The following PKHD1L1 variants were observed in gnomAD, a reference collection of about 807,000 sequenced individuals.
PKHD1L1 encodes PKHD1 like 1.
A neutral mutation model predicts 462.9 loss-of-function variants in PKHD1L1; 434 were observed. That is an observed-to-expected ratio of 0.94 (90% CI 0.87 to 1.02). The LOEUF is 1.02. Among genes scored for constraint, PKHD1L1 ranks in the 50% least tolerant of loss-of-function variants. PKHD1L1 has a pLI of 0.00. For missense variants in PKHD1L1, 5,202 were observed against 5,096.1 expected (o/e 1.02, Z -0.63); for synonymous variants, 1,781 against 1,750.0 (o/e 1.02, Z -0.44).
At chr8:109,486,613 G>A in intron 58 of PKHD1L1, 35 bp from the exon 59 acceptor site, 3 of 1,592,490 alleles carry the variant, frequency 1.9e-6, no homozygotes, top group Middle Eastern at 3.4e-4. Flanking sequence ...ATACTTCTCA[G>A]CATTGGCAAT....
rs990561519 is a variant in PKHD1L1 at position 109,442,979 on chromosome 8, T to G, written c.4427T>G (p.Ile1476Ser). Residue 1476 changes from isoleucine to serine, a missense_variant, in exon 36 of 78, where the codon ATC (isoleucine) becomes AGC (serine). Coordinates refer to ENST00000378402, the MANE Select transcript of PKHD1L1 (RefSeq NM_177531.6). ...TCTTACCAATTTACTTCTCCTGGAATCCATTATTATAGCAGCGGGTATGTT... is the reference window on the plus strand; with the variant it reads ...TCTTACCAATTTACTTCTCCTGGAAGCCATTATTATAGCAGCGGGTATGTT... ...SFSYQFTSPG[I>S]HYYSSGYVDE... The G allele has an allele frequency of 1.2e-6, 2 of 1,613,418 alleles. No homozygotes were observed. The highest frequency in any genetic ancestry group is 1.7e-6 in the Non-Finnish European group (2 of 1,179,534).
rs774719597 is a variant in PKHD1L1, at chr8:109,429,388, A to G, written c.3049A>G (p.Arg1017Gly). 1 of 1,576,932 alleles carries G rather than the reference A, an allele frequency of 6.3e-7. No individual in the cohort carries two copies. The highest frequency in any genetic ancestry group is 8.7e-7 in the Non-Finnish European group (1 of 1,152,238). The stretch of plus-strand genomic sequence containing the variant: ...AGAAAAGGCTAATATGACAGTTACA[A>G]GGATAAAGGAAGGTGGCTTATTCAG... ...IGEKANMTVT[R>G]IKEGGLFRQH... The change falls in exon 26 of 78, where the codon AGG becomes GGG. Residue 1017 changes from arginine (R) to glycine (G), a missense_variant. Physicochemically the swap from Arg to Gly is moderately radical, Grantham distance 125. This residue lies in a region of PKHD1L1 where 4,497 missense variants were observed against 4,336.8 expected (regional missense o/e 1.04). Transcript: ENST00000378402.
chr8:109,402,495 G>A (rs117039562), intron 14 of PKHD1L1, among the ~76,000 whole-genome samples: 90 of 152,184 alleles, frequency 5.9e-4, no homozygotes, highest in Non-Finnish European at 1.1e-3. Flanking sequence ...GACTAGCCCC[G>A]GTTTGTCACA....
At chr8:109,411,414 T>C (rs1185823778) in intron 19 of PKHD1L1, among the ~76,000 whole-genome samples, 1 of 152,238 alleles carries the variant, frequency 6.6e-6, no homozygotes, top group Admixed American at 6.5e-5. Flanking sequence ...ATACTTTTCA[T>C]GAGCAGATTA....
chr8:109,518,737 G>A (rs1783170), intron 73 of PKHD1L1, among the ~76,000 whole-genome samples: 65,597 of 151,956 alleles, frequency 0.43, 14,579 homozygotes, highest in South Asian at 0.57. Context: ...TGATTAATAA[G>A]TTCAACAAAA....
rs1280779778 is a variant in PKHD1L1, at chr8:109,425,224, T to A, written c.2837T>A (p.Ile946Asn). The A allele has an allele frequency of 1.9e-6, 3 of 1,584,892 alleles. No homozygotes were observed. Among genetic ancestry groups the A allele is most frequent in the African/African-American group, 2.7e-5 (2 of 73,010 alleles). ...GSFDIQAYGHILKGLPAAVSA... is the reference protein window; with the variant it reads ...GSFDIQAYGHNLKGLPAAVSA... ...TTTGACATTCAAGCTTATGGACATA[T>A]TCTTAAAGGTATATGAAAAAAATTT... The change falls in exon 24 of 78, where the codon ATT becomes AAT. Residue 946 changes from isoleucine to asparagine, a missense_variant. Physicochemically the swap from Ile to Asn is moderately radical, Grantham distance 149. Coordinates refer to ENST00000378402, the MANE Select transcript of PKHD1L1 (RefSeq NM_177531.6).
chr8:109,470,314 T>C, intron 50 of PKHD1L1: 1 of 1,491,620 alleles, frequency 6.7e-7, no homozygotes, highest in Non-Finnish European at 9.3e-7. Flanking sequence ...GTCATCATCA[T>C]ATTTAGATAA....
chr8:109,405,781 A>G (rs1813505778), intron 16 of PKHD1L1, among the ~76,000 whole-genome samples: 1 of 152,176 alleles, frequency 6.6e-6, no homozygotes, highest in South Asian at 2.1e-4. Flanking sequence ...TGATAGGTGC[A>G]GCAAACCACC....
chr8:109,497,430 CTT>C (rs11475834), intron 65 of PKHD1L1, among the ~76,000 whole-genome samples, 158 bp downstream of exon 65: 4,074 of 113,392 alleles, frequency 0.036, 108 homozygotes, highest in African/African-American at 0.11. Context: ...AAAAACCGTT[CTT>C]TTTTTTTTTT....
At chr8:109,443,164 G>A (rs1221089415) in intron 36 of PKHD1L1, 48 bp downstream of exon 36, 1 of 1,562,102 alleles carries the variant, frequency 6.4e-7, no homozygotes, top group Admixed American at 1.7e-5. Context: ...GACCCAGGGT[G>A]TATGTGATAT....
At chr8:109,398,438 T>G in intron 11 of PKHD1L1, 21 bp from the exon 12 acceptor site, 2 of 1,426,828 alleles carry the variant, frequency 1.4e-6, no homozygotes, top group Non-Finnish European at 1.9e-6. Context: ...AGTAACGGTT[T>G]TGTATCTTGC....
chr8:109,412,131 GA>G, intron 19 of PKHD1L1, 133 bp from the exon 20 acceptor site: 1 of 804,178 alleles, frequency 1.2e-6, no homozygotes, highest in Non-Finnish European at 1.9e-6. Context: ...AGACAAGGAA[GA>G]AAACATCTAA....
intron 68 of PKHD1L1, among the ~76,000 whole-genome samples, chr8:109,507,125 G>A (rs1344192077): frequency 6.6e-6 from 1 of 152,088 alleles, no homozygotes; most frequent in Non-Finnish European, 1.5e-5. Flanking sequence ...ATACTAATCT[G>A]CAATTGGTGA....
chr8:109,412,340 G>A lies in PKHD1L1; in HGVS notation c.2161G>A (p.Val721Ile). The A allele has an allele frequency of 6.2e-7, 1 of 1,613,702 alleles. No homozygotes were observed. Residue 721 changes from valine (V) to isoleucine (I), a missense_variant, in exon 20 of 78, where the codon GTT (valine) becomes ATT (isoleucine). Around this residue, in one of 3 missense-constraint regions of PKHD1L1, gnomAD observed 4,497 missense variants for 4,336.8 expected, o/e 1.04. Coordinates refer to ENST00000378402, the MANE Select transcript of PKHD1L1 (RefSeq NM_177531.6). ...CGRYSLKNPA[V>I]LFDSADVKPN... Reference sequence around the variant, plus strand: ...TCGTTATTCCCTGAAAAACCCAGCTGTTCTTTTTGACTCAGCAGATGTTAA... The same window carrying A: ...TCGTTATTCCCTGAAAAACCCAGCTATTCTTTTTGACTCAGCAGATGTTAA...
rs1223888164 is a variant in PKHD1L1, at chr8:109,440,934, A to G, written c.4099+82A>G. ...CTACAGGTGCTGAGTTATTATATGA[A>G]TATTCTAAATCACAGCTTTATTTTT... On this transcript the variant is annotated intron_variant, in intron 33 of 77. Coordinates refer to ENST00000378402, the MANE Select transcript of PKHD1L1 (RefSeq NM_177531.6). 2.8e-6 allele frequency: 4 copies of G among 1,446,086 alleles called. No homozygotes were observed. The African/African-American group carries it at 4.3e-5, about 15-fold the overall frequency. The allele number at this position is 1,446,086 out of a possible 1,614,324, so 89.6% of individuals were successfully genotyped here.
chr8:109,481,819 T>G (rs1388672694), intron 56 of PKHD1L1, among the ~76,000 whole-genome samples: 1 of 151,822 alleles, frequency 6.6e-6, no homozygotes, highest in Admixed American at 6.6e-5. Flanking sequence ...TAAACCAAAA[T>G]GTAATTTATT....
Position 109,475,152 on chromosome 8 carries a change from G to T in PKHD1L1, c.8640G>T (p.Leu2880=). Residue 2880 remains leucine, a synonymous_variant, in exon 51 of 78, where the codon CTG becomes CTT. Coordinates refer to ENST00000378402, the MANE Select transcript of PKHD1L1 (RefSeq NM_177531.6). ...TSIIPFQKKR[L]THMSGWMALI... is the part of the protein sequence containing the mutation. ...TTATTCCATTTCAGAAGAAACGACT[G>T]ACTCATATGTCTGGATGGATGGCTC... 1 of 1,610,862 alleles carries T rather than the reference G, an allele frequency of 6.2e-7. No homozygotes were observed. Among genetic ancestry groups the T allele is most frequent in the South Asian group, 1.1e-5 (1 of 90,642 alleles).
At chr8:109,469,659 T>C (rs1490971749) in intron 50 of PKHD1L1, among the ~76,000 whole-genome samples, 1 of 152,154 alleles carries the variant, frequency 6.6e-6, no homozygotes, top group African/African-American at 2.4e-5. Context: ...CTAGGTTTTT[T>C]TCCCCTGTGA....
intron 2 of PKHD1L1, among the ~76,000 whole-genome samples, chr8:109,376,187 A>T (rs986873815): frequency 6.6e-6 from 1 of 152,198 alleles, no homozygotes; most frequent in African/African-American, 2.4e-5. Flanking sequence ...TACCTAAGCA[A>T]GCTTGGGCAT....
Sources: allele counts gnomAD v4.1 joint callset (sites outside exome capture counted in the v4.1 genomes callset), GRCh38; gene constraint gnomAD v4.1.1; regional missense constraint gnomAD v4.1.1; transcripts MANE v1.5; gene names NCBI Gene and HGNC (gene_info 2026-07-23, HGNC 2026-07-21).